Variants in CCSER1 observed in about 807,000 individuals in gnomAD.
CCSER1 encodes the protein coiled-coil serine rich protein 1, also known as serine-rich coiled-coil domain-containing protein 1.
CCSER1 carries 41 observed loss-of-function variants against 82.0 expected under a neutral mutation model. The observed-to-expected ratio is 0.50, with a 90% CI of 0.39 to 0.65. The LOEUF (loss-of-function observed/expected upper bound fraction) is 0.65, where lower values mean the gene tolerates loss of function less well. Among genes scored for constraint, CCSER1 ranks in the 30% least tolerant of loss-of-function variants. The pLI, the probability that CCSER1 is intolerant of heterozygous loss-of-function variation, is 0.00. For missense variants in CCSER1, 1,119 were observed against 1,064.2 expected (o/e 1.05, Z -0.72); for synonymous variants, 414 against 383.9 (o/e 1.08, Z -0.92).
rs1039611227 is a variant in CCSER1, at chr4:91,588,831, T to C, written c.2218-9741T>C. ...TGTTGCTGAAGGAAAACATAACTTATGTCAATTATTAAATCAATTATTAGT... is the reference window on the plus strand; with the variant it reads ...TGTTGCTGAAGGAAAACATAACTTACGTCAATTATTAAATCAATTATTAGT... On this transcript the variant is annotated intron_variant, in intron 10 of 10. Transcript: ENST00000509176. Among the ~76,000 whole-genome samples the C allele has an allele frequency of 7.9e-5, 12 of 151,860 alleles. No individual in the cohort carries two copies. In the South Asian group the frequency reaches 1.2e-3, roughly 16 times the overall value.
In CCSER1 at chr4:90,463,702, T is replaced by C. The variant is rs149376838; in HGVS notation, c.1604-4532T>C. Among the ~76,000 whole-genome samples the C allele has an allele frequency of 2.0e-3, 312 of 152,224 alleles. 1 individual carries two copies. Among genetic ancestry groups the C allele is most frequent in the African/African-American group, 6.9e-3 (286 of 41,550 alleles). On this transcript the variant is annotated intron_variant, in intron 4 of 10. Coordinates refer to ENST00000509176, the MANE Select transcript of CCSER1 (RefSeq NM_001145065.2). ...CAATTTGCCAATTAATAGTAAACTA[T>C]TTTGGTGAATTGGAGTGGTGATCTC... is the stretch of plus-strand genomic sequence containing the variant.
At chr4:91,243,130 T>C (rs544210060) in intron 10 of CCSER1, among the ~76,000 whole-genome samples, 2 of 152,146 alleles carry the variant, frequency 1.3e-5, no homozygotes, top group Non-Finnish European at 2.9e-5. Context: ...GGACTTTACA[T>C]TGAACTCAGT....
chr4:90,695,037 A>AAAAT (rs552605752), intron 6 of CCSER1, among the ~76,000 whole-genome samples: 1 of 148,298 alleles, frequency 6.7e-6, no homozygotes, highest in Admixed American at 6.8e-5. Flanking sequence ...CCATAATTAG[A>AAAAT]ATATATGTAT....
chr4:90,926,052 G>T (rs192405902), intron 9 of CCSER1, among the ~76,000 whole-genome samples: 3 of 151,918 alleles, frequency 2.0e-5, no homozygotes, highest in Middle Eastern at 3.4e-3. Flanking sequence ...TTCATAAACT[G>T]TACAATTTCT....
intron 10 of CCSER1, among the ~76,000 whole-genome samples, chr4:91,444,426 A>C (rs1212793824): frequency 6.7e-6 from 1 of 148,296 alleles, no homozygotes; most frequent in Non-Finnish European, 1.5e-5. Context: ...CACTGAGCAC[A>C]AATCATTTTT....
At chr4:90,332,363 C>T (rs987069972) in intron 3 of CCSER1, among the ~76,000 whole-genome samples, 8 of 151,766 alleles carry the variant, frequency 5.3e-5, no homozygotes, top group African/African-American at 1.2e-4. Context: ...CAGCCTCCCA[C>T]GTAGCTGGGA....
At chr4:90,594,889 A>C (rs10031325) in intron 5 of CCSER1, among the ~76,000 whole-genome samples, 40,719 of 151,860 alleles carry the variant, frequency 0.27, 5,823 homozygotes, top group East Asian at 0.55. Flanking sequence ...CTTGGAAAGC[A>C]ACAAAAACTC....
At chr4:91,301,594 C>T (rs1744671765) in intron 10 of CCSER1, among the ~76,000 whole-genome samples, 1 of 150,922 alleles carries the variant, frequency 6.6e-6, no homozygotes, top group Non-Finnish European at 1.5e-5. Flanking sequence ...TAAGTAAGAA[C>T]TTTGTGCTCC....
At chr4:91,237,839 T>C (rs749627844) in intron 10 of CCSER1, among the ~76,000 whole-genome samples, 21 of 152,218 alleles carry the variant, frequency 1.4e-4, no homozygotes, top group Non-Finnish European at 2.1e-4. Context: ...CTAGAATCTT[T>C]AGTAAATTCG....
At chr4:91,381,992 C>T (rs931729873) in intron 10 of CCSER1, among the ~76,000 whole-genome samples, 1 of 152,140 alleles carries the variant, frequency 6.6e-6, no homozygotes, top group African/African-American at 2.4e-5. Flanking sequence ...CTGAAGGTTC[C>T]AACTCTGTTG....
At chr4:90,253,030 C>T (rs1419225847) in intron 1 of CCSER1, among the ~76,000 whole-genome samples, 2 of 151,920 alleles carry the variant, frequency 1.3e-5, no homozygotes, top group Middle Eastern at 3.4e-3. Context: ...TTATTTAATA[C>T]ATTCATGTTT....
chr4:90,492,589 T>C (rs1341478099), intron 5 of CCSER1, among the ~76,000 whole-genome samples: 1 of 152,206 alleles, frequency 6.6e-6, no homozygotes, highest in Non-Finnish European at 1.5e-5. Context: ...CTTGCTTCTC[T>C]AGTTGCTTTA....
chr4:90,217,553 ACTT>A lies in CCSER1; in HGVS notation c.-42+89731_-42+89733del, dbSNP rs567736376. The stretch of plus-strand genomic sequence containing the variant: ...ATTGTCCCAAAAGAGAGATAGGCTG[ACTT>A]CTTCTTCTCCTATTTGGATGCCTTT... On this transcript the variant is annotated intron_variant, in intron 1 of 10. Coordinates refer to ENST00000509176, the MANE Select transcript of CCSER1 (RefSeq NM_001145065.2). Among the ~76,000 whole-genome samples, 54 of 152,218 alleles carry A rather than the reference ACTT, an allele frequency of 3.5e-4. 1 individual carries two copies. The highest frequency in any genetic ancestry group is 1.3e-3 in the African/African-American group (52 of 41,534).
At chr4:91,492,948 A>C (rs926484911) in intron 10 of CCSER1, among the ~76,000 whole-genome samples, 1 of 152,098 alleles carries the variant, frequency 6.6e-6, no homozygotes, top group African/African-American at 2.4e-5. Flanking sequence ...GACTAGACAC[A>C]TGAGTTCTCA....
intron 6 of CCSER1, among the ~76,000 whole-genome samples, chr4:90,672,235 C>G (rs1732930736): frequency 6.6e-6 from 1 of 151,938 alleles, no homozygotes; most frequent in African/African-American, 2.4e-5. Flanking sequence ...GACTTCTCCT[C>G]CAGAAAATCT....
chr4:91,286,595 C>T (rs1040616121), intron 10 of CCSER1, among the ~76,000 whole-genome samples: 1 of 151,762 alleles, frequency 6.6e-6, no homozygotes, highest in African/African-American at 2.4e-5. Context: ...AGATCTTTAA[C>T]ATTTGGATAA....
At chr4:90,995,879 T>C (rs751035628) in intron 9 of CCSER1, among the ~76,000 whole-genome samples, 38 of 152,118 alleles carry the variant, frequency 2.5e-4, no homozygotes, top group Non-Finnish European at 4.6e-4. Flanking sequence ...TTGTTATTCT[T>C]ATTTTTTAAA....
intron 9 of CCSER1, among the ~76,000 whole-genome samples, chr4:91,083,320 C>A (rs1410000510): frequency 6.6e-6 from 1 of 151,998 alleles, no homozygotes; most frequent in Non-Finnish European, 1.5e-5. Flanking sequence ...GACAGAAAAC[C>A]AAACACCTCA....
chr4:90,462,124 A>C (rs1241831197), intron 4 of CCSER1, among the ~76,000 whole-genome samples: 2 of 152,106 alleles, frequency 1.3e-5, no homozygotes, highest in East Asian at 3.9e-4. Flanking sequence ...CTAAAAAGAA[A>C]TATTTACTGG....
Sources: gnomAD v4.1 joint callset for allele counts (sites outside exome capture counted in the v4.1 genomes callset) on GRCh38, gnomAD v4.1.1 for gene constraint, MANE v1.5 for transcripts, NCBI Gene and HGNC (gene_info 2026-07-23, HGNC 2026-07-21) for gene names.